Variants in CCDC150 observed in about 807,000 individuals in gnomAD.
CCDC150 encodes the protein coiled-coil domain containing 150.
A neutral mutation model predicts 156.5 loss-of-function variants in CCDC150; 151 were observed. The observed-to-expected ratio is 0.97, with a 90% CI of 0.85 to 1.10. The LOEUF (loss-of-function observed/expected upper bound fraction) is 1.10. CCDC150 is among the 50% of genes least tolerant of loss of function. The pLI is 0.00. For synonymous variants in CCDC150, 452 were observed against 429.4 expected (o/e 1.05, Z -0.65); for missense variants, 1,312 against 1,268.1 (o/e 1.03, Z -0.53).
intron 14 of CCDC150, among the ~76,000 whole-genome samples, chr2:196,698,085 G>T (rs939360580): frequency 6.6e-6 from 1 of 152,136 alleles, no homozygotes. Context: ...GTTAATTTCA[G>T]TTCACTCTTC....
rs533978833 is a variant in CCDC150, at chr2:196,658,739, A to G, written c.577-53A>G. ...ATTTGATCTGATATACCTATAGACA[A>G]TTTCTTCCTGTCATTTCAGATTATT... is the stretch of plus-strand genomic sequence containing the variant. On this transcript the variant is annotated intron_variant, in intron 4 of 27. Coordinates refer to ENST00000389175, the MANE Select transcript of CCDC150 (RefSeq NM_001080539.2). The G allele has an allele frequency of 7.2e-5, 99 of 1,383,864 alleles. No homozygotes were observed. In the African/African-American group the frequency reaches 1.1e-3, roughly 15 times the overall value. The allele number at this position is 1,383,864 out of a possible 1,614,324, so 85.7% of individuals were successfully genotyped here. A position where few individuals can be genotyped will look rare whatever the true frequency, so the allele number is the denominator to read the frequency against.
At chr2:196,699,073 T>C (rs1311226858) in intron 14 of CCDC150, among the ~76,000 whole-genome samples, 1 of 152,230 alleles carries the variant, frequency 6.6e-6, no homozygotes. Context: ...GCACTGTGTT[T>C]TCCGCAAAAA....
chr2:196,656,827 A>C lies in CCDC150; in HGVS notation c.371A>C (p.Glu124Ala). ...LKMNIFRLQT[E>A]KDLNPQKTAF... ...ATGAACATCTTTCGGCTGCAAACTG[A>C]AAAGGATTTGAATCCTCAGAAAACA... Residue 124 changes from glutamate to alanine, a missense_variant, in exon 3 of 28, where the codon GAA becomes GCA. Coordinates refer to ENST00000389175, the MANE Select transcript of CCDC150 (RefSeq NM_001080539.2). 4 of 1,613,902 alleles carry C rather than the reference A, an allele frequency of 2.5e-6. No homozygotes were observed. The highest frequency in any genetic ancestry group is 3.4e-6 in the Non-Finnish European group (4 of 1,179,812).
chr2:196,674,496 T>C, intron 10 of CCDC150, 148 bp downstream of exon 10: 1 of 591,336 alleles, frequency 1.7e-6, no homozygotes, highest in East Asian at 2.8e-5. Context: ...GCTTTTCAAT[T>C]TTCATCAGAG....
At chr2:196,676,526 T>A in intron 11 of CCDC150, 28 bp from the exon 12 acceptor site, 1 of 1,563,580 alleles carries the variant, frequency 6.4e-7, no homozygotes, top group Non-Finnish European at 8.7e-7. Flanking sequence ...TAATTTAGCT[T>A]TCATATGTTC....
intron 13 of CCDC150, among the ~76,000 whole-genome samples, chr2:196,690,265 G>A (rs1695381268): frequency 6.6e-6 from 1 of 151,944 alleles, no homozygotes. Context: ...ATAGCTTTAG[G>A]AGATATACCT....
chr2:196,719,626 G>A lies in CCDC150; in HGVS notation c.2125G>A (p.Gly709Arg), dbSNP rs1391501055. The change falls in exon 19 of 28, where the codon GGG becomes AGG. Residue 709 changes from glycine (G) to arginine (R), a missense_variant. Gly to Arg is a moderately radical substitution (Grantham distance 125). Coordinates refer to ENST00000389175, the MANE Select transcript of CCDC150 (RefSeq NM_001080539.2). ...GALEKVQIELGRRDSEIAGLK... is the reference protein window; with the variant it reads ...GALEKVQIELRRRDSEIAGLK... ...TCTGGAGAAAGTACAAATAGAGCTT[G>A]GGCGGAGGGATTCAGAGATTGCAGG... The A allele has an allele frequency of 6.2e-7, 1 of 1,612,482 alleles. No homozygotes were observed. The highest frequency in any genetic ancestry group is 8.5e-7 in the Non-Finnish European group (1 of 1,179,280).
chr2:196,671,710 G>C (rs1694216127), intron 8 of CCDC150, among the ~76,000 whole-genome samples: 1 of 152,140 alleles, frequency 6.6e-6, no homozygotes, highest in African/African-American at 2.4e-5. Context: ...TTACAGGGAT[G>C]AGCCATCGTG....
intron 14 of CCDC150, among the ~76,000 whole-genome samples, chr2:196,696,373 CCT>C (rs1478002287): frequency 3.9e-5 from 6 of 152,054 alleles, no homozygotes; most frequent in Non-Finnish European, 8.8e-5. Flanking sequence ...TCAGACCAAC[CCT>C]CTCTCTCTGC....
chr2:196,647,544 T>G (rs1201644179), intron 2 of CCDC150, among the ~76,000 whole-genome samples: 2 of 152,088 alleles, frequency 1.3e-5, no homozygotes, highest in Non-Finnish European at 2.9e-5. Context: ...CTTTACCTAA[T>G]AACAAGAAAT....
intron 7 of CCDC150, chr2:196,667,561 C>A (rs1224606444): frequency 1.3e-5 from 2 of 152,284 alleles, no homozygotes; most frequent in African/African-American, 4.8e-5. Flanking sequence ...TCATGGTTTA[C>A]ACTGAACTTT....
intron 15 of CCDC150, among the ~76,000 whole-genome samples, chr2:196,710,221 G>A (rs554682180): frequency 2.7e-4 from 41 of 152,350 alleles, no homozygotes; most frequent in Middle Eastern, 3.4e-3. Context: ...CAGCAATGGC[G>A]GACGCCCCTC....
At position 196,670,025 on chromosome 2, in the gene CCDC150, A is replaced by G. The variant is rs1028772404; in HGVS notation, c.936+149A>G. The G allele has an allele frequency of 1.9e-5, 10 of 514,940 alleles. No homozygotes were observed. The Admixed American group carries it at 2.4e-4, about 12-fold the overall frequency. The allele number at this position is 514,940 out of a possible 1,614,324, so 31.9% of individuals were successfully genotyped here. A position where few individuals can be genotyped will look rare whatever the true frequency, so the allele number is the denominator to read the frequency against. On this transcript the variant is annotated intron_variant, in intron 8 of 27. Transcript: ENST00000389175. ...GTAAATGAGTAGTATATTTAGGATA[A>G]TAGTATTAGGAACTAAGAAATCATT...
chr2:196,694,974 CATTTTAAAAATAAGATAATA>C, intron 13 of CCDC150, 52 bp from the exon 14 acceptor site: 1 of 782,182 alleles, frequency 1.3e-6, no homozygotes, highest in Non-Finnish European at 2.1e-6. Flanking sequence ...TTGTAATTGT[CATTTTAAAAATAAGATAATA>C]CTTTTTGCAT....
intron 11 of CCDC150, 108 bp downstream of exon 11, chr2:196,676,375 T>G (rs1694505410): frequency 6.9e-7 from 1 of 1,446,556 alleles, no homozygotes; most frequent in Non-Finnish European, 9.4e-7. Context: ...TGATTCTGCA[T>G]TTTTTGGGCC....
chr2:196,704,184 G>T (rs1037746171), intron 15 of CCDC150, among the ~76,000 whole-genome samples: 1 of 152,196 alleles, frequency 6.6e-6, no homozygotes, highest in African/African-American at 2.4e-5. Context: ...GAATCAACTT[G>T]TTAATGAATG....
At chr2:196,712,884 G>T in intron 17 of CCDC150, 145 bp downstream of exon 17, 1 of 613,266 alleles carries the variant, frequency 1.6e-6, no homozygotes, top group South Asian at 2.5e-5. Context: ...ACCCCAGGAA[G>T]GTGTTACCAG....
In CCDC150 at chr2:196,731,001, T is replaced by C; in HGVS notation, c.3069+56T>C. 5 of 1,302,110 alleles carry C rather than the reference T, an allele frequency of 3.8e-6. No homozygotes were observed. In the South Asian group the frequency reaches 4.1e-5, roughly 11 times the overall value. 80.7% of individuals were successfully genotyped at this position (1,302,110 alleles called of 1,614,324 possible). A position where few individuals can be genotyped will look rare whatever the true frequency, so the allele number is the denominator to read the frequency against. On this transcript the variant is annotated intron_variant, in intron 26 of 27. Coordinates refer to ENST00000389175, the MANE Select transcript of CCDC150 (RefSeq NM_001080539.2). ...GACGTTTCCTTCAACACAGCAACCC[T>C]GAAGCAACCCAAGTCAATGTGAAAT...
At chr2:196,695,517 A>G (rs1203687756) in intron 14 of CCDC150, among the ~76,000 whole-genome samples, 2 of 152,192 alleles carry the variant, frequency 1.3e-5, no homozygotes, top group Non-Finnish European at 2.9e-5. Context: ...TGACAAGGTC[A>G]GTGCATTACA....
Sources: allele counts gnomAD v4.1 joint callset (sites outside exome capture counted in the v4.1 genomes callset), GRCh38; gene constraint gnomAD v4.1.1; transcripts MANE v1.5; gene names NCBI Gene and HGNC (gene_info 2026-07-23, HGNC 2026-07-21).